BAHCC1: variants seen among roughly 807,000 people sequenced by gnomAD.
The protein encoded by BAHCC1 is BAH and coiled-coil domain-containing protein 1.
A neutral mutation model predicts 88.2 loss-of-function variants in BAHCC1; 43 were observed. The ratio of observed to expected loss-of-function variants is 0.49; its 90% CI spans 0.38 to 0.63. BAHCC1 has a LOEUF of 0.63. BAHCC1 is among the 20% of genes least tolerant of loss of function. The pLI is 0.00. For missense variants in BAHCC1, 3,023 were observed against 1,654.8 expected, an observed-to-expected ratio of 1.83 and a Z score of -14.34; for synonymous variants, 1,510 against 745.5, an observed-to-expected ratio of 2.03 and a Z score of -16.71.
Position 81,455,258 on chromosome 17 carries a change from T to C in BAHCC1, c.4446-9T>C. 1.4e-6 allele frequency: 1 copy of C among 713,942 alleles called. No individual in the cohort carries two copies. The highest frequency in any genetic ancestry group is 1.5e-5 in the South Asian group (1 of 67,572). 44.2% of individuals were successfully genotyped at this position (713,942 alleles called of 1,614,324 possible). The stretch of plus-strand genomic sequence containing the variant: ...CATCTGCCCTGCACCCACCACCCCA[T>C]GCCCCCAGGGCGGTGCGGACAAGCC... On this transcript the variant is annotated splice_polypyrimidine_tract_variant and intron_variant, in intron 14 of 27. Transcript: ENST00000675386.
Position 81,455,319 on chromosome 17 carries a change from G to T in BAHCC1, c.4498G>T (p.Gly1500Trp), listed in dbSNP as rs879972937. 1.4e-6 allele frequency: 1 copy of T among 717,390 alleles called. No individual in the cohort carries two copies. Among genetic ancestry groups the T allele is most frequent in the Non-Finnish European group, 2.6e-6 (1 of 385,296 alleles). 44.4% of individuals were successfully genotyped at this position (717,390 alleles called of 1,614,324 possible). ...GTGTGCGGAGCTGCGAGGAGGCAGTGGGGGCGAGCCTGCGAAGAAGCGAAG... is the reference window on the plus strand; with the variant it reads ...GTGTGCGGAGCTGCGAGGAGGCAGTTGGGGCGAGCCTGCGAAGAAGCGAAG... ...LLCAELRGGS[G>W]GEPAKKRSKL... is the part of the protein sequence containing the mutation. The change falls in exon 15 of 28, where the codon GGG (glycine) becomes TGG (tryptophan). Residue 1500 changes from glycine (G) to tryptophan (W), a missense_variant. Physicochemically the swap from Gly to Trp is radical, Grantham distance 184 (BLOSUM62 -2). Coordinates refer to ENST00000675386, the MANE Select transcript of BAHCC1 (RefSeq NM_001377448.1).
intron 4 of BAHCC1, among the ~76,000 whole-genome samples, chr17:81,440,043 G>C (rs2064389826): frequency 6.6e-6 from 1 of 152,164 alleles, no homozygotes; most frequent in Admixed American, 6.5e-5. Context: ...AGGCATGGGG[G>C]CCAGGAACTC....
chr17:81,405,254 C>T (rs536207294), intron 2 of BAHCC1, among the ~76,000 whole-genome samples: 15 of 152,204 alleles, frequency 9.9e-5, no homozygotes, highest in African/African-American at 2.6e-4. Flanking sequence ...TTAGTAGAGA[C>T]GGGGTTTCAC....
intron 26 of BAHCC1, chr17:81,462,411 C>T (rs1267912018): frequency 7.9e-5 from 39 of 495,396 alleles, no homozygotes; most frequent in African/African-American, 9.7e-5. Flanking sequence ...GGGCACTGCT[C>T]GGGGGCGCAT....
At chr17:81,402,388 C>T (rs1656734354) in intron 2 of BAHCC1, 1 of 151,968 alleles carries the variant, frequency 6.6e-6, no homozygotes, top group African/African-American at 2.4e-5. Context: ...AGAATTATAC[C>T]CCAGATCACT....
rs782535228 is a variant in BAHCC1, at chr17:81,458,300, G to C, written c.5177G>C (p.Gly1726Ala). 3 of 750,288 alleles carry C rather than the reference G, an allele frequency of 4.0e-6. No individual in the cohort carries two copies. In the African/African-American group the frequency reaches 5.1e-5, roughly 13 times the overall value. The allele number at this position is 750,288 out of a possible 1,614,324, so 46.5% of individuals were successfully genotyped here. A position where few individuals can be genotyped will look rare whatever the true frequency, so the allele number is the denominator to read the frequency against. Residue 1726 changes from glycine to alanine, a missense_variant, in exon 18 of 28, where the codon GGC becomes GCC. Coordinates refer to ENST00000675386, the MANE Select transcript of BAHCC1 (RefSeq NM_001377448.1). ...GCGCTGGGCAAGAAGAAAGCCAAGG[G>C]CAAGGCCAAGGGCAGCCTGCGGGCA... ...PGALGKKKAK[G>A]KAKGSLRAEP...
At chr17:81,449,493 C>T (rs1232277318) in intron 11 of BAHCC1, among the ~76,000 whole-genome samples, 3 of 152,208 alleles carry the variant, frequency 2.0e-5, no homozygotes, top group Non-Finnish European at 4.4e-5. Flanking sequence ...ATAGAGCCCC[C>T]AGGACTGGCA....
At chr17:81,438,237 G>A (rs1343806782) in intron 3 of BAHCC1, 133 bp from the exon 4 acceptor site, 21 of 653,362 alleles carry the variant, frequency 3.2e-5, no homozygotes, top group Admixed American at 1.6e-4. Context: ...ATTTCCCCCC[G>A]GCGGCTGCGT....
At chr17:81,422,521 G>T (rs1356992395) in intron 2 of BAHCC1, among the ~76,000 whole-genome samples, 2 of 152,218 alleles carry the variant, frequency 1.3e-5, no homozygotes, top group South Asian at 4.1e-4. Flanking sequence ...GGTGCAGGGA[G>T]GGGCTAGGCT....
At chr17:81,423,079 C>A (rs569642144) in intron 2 of BAHCC1, among the ~76,000 whole-genome samples, 9 of 152,216 alleles carry the variant, frequency 5.9e-5, no homozygotes, top group African/African-American at 2.2e-4. Flanking sequence ...GGCACCTTCA[C>A]CCCCTGCCCT....
At position 81,443,072 on chromosome 17, in the gene BAHCC1, G is replaced by T. The variant is rs1555653133; in HGVS notation, c.1723G>T (p.Gly575Cys). Reference sequence around the variant, plus strand: ...CAAGTCCCTGGAGCTGGCATCCCTGGGCTACAGTGGGCCCCACCTGCCCCC... The same window carrying T: ...CAAGTCCCTGGAGCTGGCATCCCTGTGCTACAGTGGGCCCCACCTGCCCCC... ...KRKSLELASL[G>C]YSGPHLPPWG... The change falls in exon 5 of 28, where the codon GGC (glycine) becomes TGC (cysteine). Residue 575 changes from glycine to cysteine, a missense_variant. Coordinates refer to ENST00000675386, the MANE Select transcript of BAHCC1 (RefSeq NM_001377448.1). The T allele has an allele frequency of 1.3e-6, 1 of 778,188 alleles. No individual in the cohort carries two copies. Among genetic ancestry groups the T allele is most frequent in the East Asian group, 2.4e-5 (1 of 41,230 alleles). The allele number at this position is 778,188 out of a possible 1,614,324, so 48.2% of individuals were successfully genotyped here.
At chr17:81,445,832 T>G (rs1184155428) in intron 10 of BAHCC1, among the ~76,000 whole-genome samples, 151 bp downstream of exon 10, 1 of 151,960 alleles carries the variant, frequency 6.6e-6, no homozygotes, top group African/African-American at 2.4e-5. Flanking sequence ...TCCTCTCTCT[T>G]CCCTCTTCCC....
At position 81,451,962 on chromosome 17, in the gene BAHCC1, C is replaced by T. The variant is rs1439773996; in HGVS notation, c.4180-9C>T. ...CCCGGCTCACAGGCCCCTGTGCCCCCCCCACCAGGTGTGCCCCCTGAAGGC... is the reference window on the plus strand; with the variant it reads ...CCCGGCTCACAGGCCCCTGTGCCCCTCCCACCAGGTGTGCCCCCTGAAGGC... On this transcript the variant is annotated splice_polypyrimidine_tract_variant and intron_variant, in intron 12 of 27. Transcript: ENST00000675386. 2 of 622,634 alleles carry T rather than the reference C, an allele frequency of 3.2e-6. No homozygotes were observed. Among genetic ancestry groups the T allele is most frequent in the Non-Finnish European group, 5.8e-6 (2 of 346,868 alleles). 38.6% of individuals were successfully genotyped at this position (622,634 alleles called of 1,614,324 possible).
In BAHCC1 at chr17:81,442,191, C is replaced by T; in HGVS notation, c.842C>T (p.Thr281Ile). 2 of 658,920 alleles carry T rather than the reference C, an allele frequency of 3.0e-6. No individual in the cohort carries two copies. Among genetic ancestry groups the T allele is most frequent in the Middle Eastern group, 2.6e-4 (1 of 3,804 alleles). The allele number at this position is 658,920 out of a possible 1,614,324, so 40.8% of individuals were successfully genotyped here. ...GACEGRPKHL[T>I]SCLLNTKVLN... Reference sequence around the variant, plus strand: ...TGCGAGGGCCGCCCCAAGCACCTCACCTCCTGCCTCCTCAACACCAAGGTG... The same window carrying T: ...TGCGAGGGCCGCCCCAAGCACCTCATCTCCTGCCTCCTCAACACCAAGGTG... The change falls in exon 5 of 28, where the codon ACC (threonine) becomes ATC (isoleucine). Residue 281 changes from threonine to isoleucine, a missense_variant. Coordinates refer to ENST00000675386, the MANE Select transcript of BAHCC1 (RefSeq NM_001377448.1).
Position 81,460,285 on chromosome 17 carries a change from G to A in BAHCC1, c.5914G>A (p.Gly1972Ser), listed in dbSNP as rs368436933. 10 of 771,304 alleles carry A rather than the reference G, an allele frequency of 1.3e-5. No individual in the cohort carries two copies. Among genetic ancestry groups the A allele is most frequent in the African/African-American group, 1.0e-4 (6 of 58,920 alleles). The allele number at this position is 771,304 out of a possible 1,614,324, so 47.8% of individuals were successfully genotyped here. A position where few individuals can be genotyped will look rare whatever the true frequency, so the allele number is the denominator to read the frequency against. The change falls in exon 24 of 28, where the codon GGT becomes AGT. Residue 1972 changes from glycine (G) to serine (S), a missense_variant. By Grantham distance (56) the Gly-to-Ser change is moderately conservative (BLOSUM62 0). Transcript: ENST00000675386. Reference protein sequence around the residue: ...YPGNVVRGASGDEDEDLDSVV... With the variant: ...YPGNVVRGASSDEDEDLDSVV... ...AGGTGTGCCGTCCACAGGGGCCTCCGGTGACGAAGATGAGGACCTGGACTC... is the reference window on the plus strand; with the variant it reads ...AGGTGTGCCGTCCACAGGGGCCTCCAGTGACGAAGATGAGGACCTGGACTC...
intron 2 of BAHCC1, among the ~76,000 whole-genome samples, chr17:81,425,028 T>C (rs1555650103): frequency 1.6e-5 from 2 of 122,836 alleles, no homozygotes; most frequent in Non-Finnish European, 3.5e-5. Context: ...GATGATGTGG[T>C]TGGGGGTGAT....
intron 2 of BAHCC1, among the ~76,000 whole-genome samples, chr17:81,420,350 T>C (rs1205255402): frequency 6.6e-6 from 1 of 152,182 alleles, no homozygotes. Flanking sequence ...ACAGCACCCC[T>C]GGGCCGGGGC....
chr17:81,424,390 G>A (rs1437807743), intron 2 of BAHCC1, among the ~76,000 whole-genome samples: 1 of 152,242 alleles, frequency 6.6e-6, no homozygotes, highest in Admixed American at 6.5e-5. Context: ...GCTGCCCACA[G>A]CTGTGGGCTG....
rs782384358 is a variant in BAHCC1 at position 81,452,827 on chromosome 17, C to G, written c.4421C>G (p.Pro1474Arg). ...GCCCCACGTCCCACGGGGCCGCTCC[C>G]CAGGAGCGATGGCAAGAAAGTCAAG... The part of the protein sequence containing the change: ...LPAPRPTGPL[P>R]RSDGKKVKAV... The change falls in exon 14 of 28, where the codon CCC becomes CGC. Residue 1474 changes from proline (P) to arginine (R), a missense_variant. Physicochemically the swap from Pro to Arg is moderately radical, Grantham distance 103. Transcript: ENST00000675386. The G allele has an allele frequency of 2.7e-5, 20 of 747,778 alleles. No individual in the cohort carries two copies. Among genetic ancestry groups the G allele is most frequent in the Non-Finnish European group, 4.9e-5 (20 of 405,252 alleles). The allele number at this position is 747,778 out of a possible 1,614,324, so 46.3% of individuals were successfully genotyped here. A position where few individuals can be genotyped will look rare whatever the true frequency, so the allele number is the denominator to read the frequency against.
Sources: allele counts gnomAD v4.1 joint callset (sites outside exome capture counted in the v4.1 genomes callset), GRCh38; gene constraint gnomAD v4.1.1; transcripts MANE v1.5; gene names NCBI Gene and HGNC (gene_info 2026-07-23, HGNC 2026-07-21).